Variants in KLB observed in about 807,000 individuals in gnomAD.
KLB encodes the protein klotho beta.
KLB carries 44 observed loss-of-function variants against 88.4 expected under a neutral mutation model. The ratio of observed to expected loss-of-function variants is 0.50; its 90% CI spans 0.39 to 0.64. KLB has a LOEUF of 0.64. Ranked by LOEUF, KLB falls within the 30% of genes least tolerant of loss-of-function variation. KLB has a pLI of 0.00. For missense variants in KLB, 1,137 were observed against 1,304.8 expected, an observed-to-expected ratio of 0.87 and a Z score of 1.98; for synonymous variants, 548 against 513.4, an observed-to-expected ratio of 1.07 and a Z score of -0.91.
At chr4:39,435,228 C>T (rs1206989693) in intron 2 of KLB, among the ~76,000 whole-genome samples, 2 of 152,104 alleles carry the variant, frequency 1.3e-5, no homozygotes, top group Non-Finnish European at 2.9e-5. Context: ...AGCAATTCTC[C>T]TGCTTCAGCC....
In KLB at chr4:39,446,339, C is replaced by A; in HGVS notation, c.1613C>A (p.Ser538Tyr). 1 of 1,613,038 alleles carries A rather than the reference C, an allele frequency of 6.2e-7. No individual in the cohort carries two copies. The highest frequency in any genetic ancestry group is 8.5e-7 in the Non-Finnish European group (1 of 1,179,394). The change falls in exon 4 of 5, where the codon TCT (serine) becomes TAT (tyrosine). Residue 538 changes from serine (S) to tyrosine (Y), a missense_variant. Physicochemically the swap from Ser to Tyr is moderately radical, Grantham distance 144. Coordinates refer to ENST00000257408, the MANE Select transcript of KLB (RefSeq NM_175737.4). The surrounding 1 kb of genome is among the most constrained non-coding windows in gnomAD (Gnocchi z 6.4). ...TGAGCTTGTTTTTCACAGCCCGAGT[C>A]TGTGGCTTCGTCCCCACAGTTCAGC... ...GVTESVLKPE[S>Y]VASSPQFSDP...
chr4:39,434,279 A>G lies in KLB; in HGVS notation c.895A>G (p.Thr299Ala). The change falls in exon 2 of 5, where the codon ACG (threonine) becomes GCG (alanine). Residue 299 changes from threonine (T) to alanine (A), a missense_variant. Around this residue, in one of 4 missense-constraint regions of KLB, gnomAD observed 597 missense variants for 765.2 expected, o/e 0.78. Coordinates refer to ENST00000257408, the MANE Select transcript of KLB (RefSeq NM_175737.4). ...ACATCAGAAGGGTTGGTTATCGATC[A>G]CGTTGGGATCTCATTGGATCGAGCC... The part of the protein sequence containing the change: ...RPHQKGWLSI[T>A]LGSHWIEPNR... 6.2e-7 allele frequency: 1 copy of G among 1,614,068 alleles called. No homozygotes were observed. The highest frequency in any genetic ancestry group is 8.5e-7 in the Non-Finnish European group (1 of 1,179,908).
chr4:39,416,679 G>A (rs1332947949), intron 1 of KLB, among the ~76,000 whole-genome samples: 1 of 131,530 alleles, frequency 7.6e-6, no homozygotes, highest in Non-Finnish European at 1.7e-5. Context: ...ACCGCTACTG[G>A]GGAGGCTGAG....
rs374394122 is a variant in KLB, at chr4:39,448,438, A to T, written c.2887A>T (p.Ser963Cys). The part of the protein sequence containing the change: ...SSIQFYNKVI[S>C]SRGFPFENSS... ...AATACAATTTTACAACAAAGTGATC[A>T]GCAGCAGGGGCTTCCCTTTTGAGAA... Residue 963 changes from serine to cysteine, a missense_variant, in exon 5 of 5, where the codon AGC (serine) becomes TGC (cysteine). Ser to Cys is a moderately radical substitution (Grantham distance 112). Coordinates refer to ENST00000257408, the MANE Select transcript of KLB (RefSeq NM_175737.4). 1.7e-5 allele frequency: 27 copies of T among 1,614,098 alleles called. No homozygotes were observed. Among genetic ancestry groups the T allele is most frequent in the Non-Finnish European group, 2.3e-5 (27 of 1,180,044 alleles).
At chr4:39,421,530 A>G (rs903936637) in intron 1 of KLB, among the ~76,000 whole-genome samples, 13 of 152,174 alleles carry the variant, frequency 8.5e-5, no homozygotes, top group African/African-American at 2.9e-4. Flanking sequence ...TGGGCGGATC[A>G]CTTGAGGTCG....
chr4:39,424,301 G>C (rs777490204), intron 1 of KLB, among the ~76,000 whole-genome samples: 2 of 151,738 alleles, frequency 1.3e-5, no homozygotes, highest in East Asian at 1.9e-4. Context: ...GAACTCCTGG[G>C]CTCAAGTGAT....
At chr4:39,425,265 A>G (rs1328139196) in intron 1 of KLB, among the ~76,000 whole-genome samples, 1 of 152,218 alleles carries the variant, frequency 6.6e-6, no homozygotes, top group Non-Finnish European at 1.5e-5. Flanking sequence ...GTTGCCAGGT[A>G]TAGATTCTGG....
At chr4:39,428,130 T>C (rs1490436373) in intron 1 of KLB, among the ~76,000 whole-genome samples, 1 of 152,114 alleles carries the variant, frequency 6.6e-6, no homozygotes, top group Non-Finnish European at 1.5e-5. Context: ...TTTAAAACAA[T>C]TTTAGAAATA....
intron 1 of KLB, among the ~76,000 whole-genome samples, chr4:39,413,742 A>G (rs552145280): frequency 6.9e-4 from 104 of 151,754 alleles, no homozygotes; most frequent in Non-Finnish European, 1.3e-3. Flanking sequence ...AAAAAAATAA[A>G]TAAAATAAAA....
At chr4:39,432,323 A>C (rs529733511) in intron 1 of KLB, among the ~76,000 whole-genome samples, 3 of 152,116 alleles carry the variant, frequency 2.0e-5, no homozygotes, top group Non-Finnish European at 4.4e-5. Context: ...GGAGAAAATG[A>C]GAGACCAGGG....
chr4:39,435,614 C>A (rs190805174), intron 2 of KLB, among the ~76,000 whole-genome samples: 1 of 150,384 alleles, frequency 6.6e-6, no homozygotes, highest in Non-Finnish European at 1.5e-5. Flanking sequence ...TTAGTAGAGA[C>A]GGGGGTTCAA....
At chr4:39,418,427 T>G (rs1434000314) in intron 1 of KLB, among the ~76,000 whole-genome samples, 1 of 151,828 alleles carries the variant, frequency 6.6e-6, no homozygotes, top group Non-Finnish European at 1.5e-5. Flanking sequence ...TTAGTAGAGA[T>G]GGGGTTTCGC....
rs190615284 is a variant in KLB at position 39,442,093 on chromosome 4, G to T, written c.1605+4098G>T. ...CCTGTCTCTACAAAAAAAACTGGGTGTGGTTGTGTGGGCCTGTAATTCCAT... is the reference window on the plus strand; with the variant it reads ...CCTGTCTCTACAAAAAAAACTGGGTTTGGTTGTGTGGGCCTGTAATTCCAT... On this transcript the variant is annotated intron_variant, in intron 3 of 4. Transcript: ENST00000257408. Among the ~76,000 whole-genome samples, 1,220 of 152,198 alleles carry T rather than the reference G, an allele frequency of 8.0e-3. 17 individuals carry two copies. The highest frequency in any genetic ancestry group is 0.028 in the African/African-American group (1,160 of 41,526).
intron 1 of KLB, among the ~76,000 whole-genome samples, chr4:39,428,509 A>T (rs1743270141): frequency 6.6e-6 from 1 of 152,170 alleles, no homozygotes; most frequent in Non-Finnish European, 1.5e-5. Flanking sequence ...CAAATAAATT[A>T]AAGGTTATAT....
chr4:39,410,385 G>C (rs1272545172), intron 1 of KLB, among the ~76,000 whole-genome samples: 1 of 152,134 alleles, frequency 6.6e-6, no homozygotes, highest in Non-Finnish European at 1.5e-5. Context: ...TATTTTAAAT[G>C]GAGGGATATG....
chr4:39,408,760 C>T (rs1198178869), intron 1 of KLB, among the ~76,000 whole-genome samples: 1 of 151,198 alleles, frequency 6.6e-6, no homozygotes, highest in Non-Finnish European at 1.5e-5. Flanking sequence ...AGAGATTTAG[C>T]CTCACATTGA....
chr4:39,410,225 A>T (rs1281891198), intron 1 of KLB, among the ~76,000 whole-genome samples: 1 of 152,234 alleles, frequency 6.6e-6, no homozygotes, highest in African/African-American at 2.4e-5. Context: ...GGCTGATAAG[A>T]ATAAACAGGC....
At chr4:39,414,791 C>T (rs1051112321) in intron 1 of KLB, among the ~76,000 whole-genome samples, 3 of 150,222 alleles carry the variant, frequency 2.0e-5, no homozygotes, top group African/African-American at 7.4e-5. Flanking sequence ...ATTGCTTGAA[C>T]CCGGGAGGCG....
rs570826293 is a variant in KLB at position 39,433,203 on chromosome 4, T to C, written c.826-1007T>C. 3.9e-5 allele frequency among the ~76,000 whole-genome samples: 6 copies of C among 152,152 alleles called. No homozygotes were observed. The South Asian group carries it at 1.2e-3, about 32-fold the overall frequency. ...TGGATATTGTTGTTATTAACCTCAT[T>C]CTACAACTGAGGATACTAAGAGATT... On this transcript the variant is annotated intron_variant, in intron 1 of 4. Transcript: ENST00000257408.
Sources: gnomAD v4.1 joint callset for allele counts (sites outside exome capture counted in the v4.1 genomes callset) on GRCh38, gnomAD v4.1.1 for gene constraint, gnomAD v4.1.1 regional missense constraint, Gnocchi (gnomAD v3.1) non-coding constraint, MANE v1.5 for transcripts, NCBI Gene and HGNC (gene_info 2026-07-23, HGNC 2026-07-21) for gene names.